The following FGF14 variants were observed in gnomAD, a reference collection of about 807,000 sequenced individuals.
FGF14 encodes fibroblast growth factor homologous factor 4.
A neutral mutation model predicts 25.5 loss-of-function variants in FGF14; 5 were observed. The observed-to-expected ratio is 0.20, with a 90% CI of 0.10 to 0.41. The LOEUF (loss-of-function observed/expected upper bound fraction) is 0.41. FGF14 is among the 10% of genes least tolerant of loss of function. The probability of loss-of-function intolerance (pLI) is 1.00; values close to 1 mark genes in which losing one functional copy is unlikely to be tolerated. For missense variants in FGF14, 222 were observed against 320.1 expected, an observed-to-expected ratio of 0.69 and a Z score of 2.34; for synonymous variants, 138 against 118.3, an observed-to-expected ratio of 1.17 and a Z score of -1.08.
Position 101,722,440 on chromosome 13 carries a change from T to A in FGF14, c.*391A>T, listed in dbSNP as rs2035056851. Reference sequence around the variant, plus strand: ...AAATTACTCAATATTATTTGTGTGCTACAAAATTGAACTTAAACACATAGA... The same window carrying A: ...AAATTACTCAATATTATTTGTGTGCAACAAAATTGAACTTAAACACATAGA... On this transcript the variant is annotated 3_prime_UTR_variant, in exon 5 of 5. Coordinates refer to ENST00000376143, the MANE Select transcript of FGF14 (RefSeq NM_004115.4). 6.3e-6 allele frequency: 2 copies of A among 317,022 alleles called. No homozygotes were observed. The highest frequency in any genetic ancestry group is 2.2e-5 in the African/African-American group (1 of 46,342). 19.6% of individuals were successfully genotyped at this position (317,022 alleles called of 1,614,324 possible).
intron 3 of FGF14, among the ~76,000 whole-genome samples, chr13:101,866,250 T>C (rs2044699977): frequency 6.6e-6 from 1 of 152,064 alleles, no homozygotes; most frequent in Admixed American, 6.6e-5. Context: ...TCCCTAAAAG[T>C]TTTTCATTAC....
intron 1 of FGF14, among the ~76,000 whole-genome samples, chr13:102,337,598 A>G (rs1194226099): frequency 6.6e-6 from 1 of 152,184 alleles, no homozygotes; most frequent in Non-Finnish European, 1.5e-5. Context: ...CAAATTCTGA[A>G]AGTTCTATGG....
At chr13:102,180,931 A>C (rs1353417293) in intron 1 of FGF14, among the ~76,000 whole-genome samples, 1 of 152,126 alleles carries the variant, frequency 6.6e-6, no homozygotes, top group Non-Finnish European at 1.5e-5. Flanking sequence ...AACTGGGATT[A>C]ATTTCTAATA....
chr13:102,390,226 G>C (rs1389011850), intron 1 of FGF14, among the ~76,000 whole-genome samples: 1 of 152,148 alleles, frequency 6.6e-6, no homozygotes, highest in Non-Finnish European at 1.5e-5. Context: ...AAAATTTTGG[G>C]GGCGGGTGAT....
At chr13:102,191,972 C>T (rs1407953043) in intron 1 of FGF14, among the ~76,000 whole-genome samples, 5 of 152,210 alleles carry the variant, frequency 3.3e-5, no homozygotes, top group Non-Finnish European at 7.3e-5. Flanking sequence ...TCCATTAGCT[C>T]TTAAGTCTCA....
intron 1 of FGF14, among the ~76,000 whole-genome samples, chr13:102,269,633 C>T (rs1369912531): frequency 1.3e-5 from 2 of 152,080 alleles, no homozygotes; most frequent in Non-Finnish European, 2.9e-5. Flanking sequence ...CAGTGATCTT[C>T]CTGTCTCCGC....
intron 1 of FGF14, among the ~76,000 whole-genome samples, chr13:102,351,881 A>G (rs1027094605): frequency 6.6e-6 from 1 of 152,186 alleles, no homozygotes; most frequent in Non-Finnish European, 1.5e-5. Context: ...TCTATTCGTT[A>G]GAAGTAAGTC....
chr13:102,174,061 A>G (rs1269470250), intron 1 of FGF14, among the ~76,000 whole-genome samples: 1 of 152,152 alleles, frequency 6.6e-6, no homozygotes, highest in Non-Finnish European at 1.5e-5. Flanking sequence ...TTCCTCCAAA[A>G]GACTCCTAAA....
At chr13:102,134,877 G>A (rs1182708787) in intron 1 of FGF14, among the ~76,000 whole-genome samples, 1 of 152,040 alleles carries the variant, frequency 6.6e-6, no homozygotes, top group Admixed American at 6.6e-5. Flanking sequence ...GTAGCCTCGG[G>A]CCAAATTTCT....
At chr13:102,230,413 T>A (rs1235420511) in intron 1 of FGF14, among the ~76,000 whole-genome samples, 2 of 152,198 alleles carry the variant, frequency 1.3e-5, no homozygotes, top group African/African-American at 4.8e-5. Context: ...TAGAAAGGTA[T>A]AAACAAACAC....
At chr13:102,001,410 G>C (rs2039488226) in intron 1 of FGF14, among the ~76,000 whole-genome samples, 1 of 152,072 alleles carries the variant, frequency 6.6e-6, no homozygotes, top group African/African-American at 2.4e-5. Flanking sequence ...GGCTCAAAGA[G>C]ACTTTTGGAT....
At chr13:102,278,700 A>G (rs1031344332) in intron 1 of FGF14, among the ~76,000 whole-genome samples, 1 of 151,896 alleles carries the variant, frequency 6.6e-6, no homozygotes, top group Non-Finnish European at 1.5e-5. Context: ...CAGTGTATGC[A>G]TTACTCTGAA....
chr13:102,136,280 T>C (rs1354532773), intron 1 of FGF14, among the ~76,000 whole-genome samples: 1 of 152,130 alleles, frequency 6.6e-6, no homozygotes, highest in Admixed American at 6.6e-5. Flanking sequence ...TTGGAACCCT[T>C]ACAGCAATCC....
chr13:102,063,739 T>C (rs1444880534), intron 1 of FGF14, among the ~76,000 whole-genome samples: 2 of 152,110 alleles, frequency 1.3e-5, no homozygotes, highest in Admixed American at 1.3e-4. Context: ...CAATAACATA[T>C]AAAACATGAA....
chr13:102,168,992 A>C (rs1342858939), intron 1 of FGF14, among the ~76,000 whole-genome samples: 1 of 151,964 alleles, frequency 6.6e-6, no homozygotes, highest in African/African-American at 2.4e-5. Context: ...TATATCCAGA[A>C]CAGGGAGACA....
intron 1 of FGF14, among the ~76,000 whole-genome samples, chr13:102,047,724 A>G (rs925745209): frequency 2.0e-5 from 3 of 152,142 alleles, no homozygotes; most frequent in African/African-American, 7.2e-5. Context: ...GATATACCTA[A>G]TGCTAAATGA....
intron 1 of FGF14, chr13:102,300,173 A>G (rs755847946): frequency 6.6e-6 from 1 of 152,282 alleles, no homozygotes; most frequent in Non-Finnish European, 1.5e-5. Flanking sequence ...CCTAAAATAT[A>G]CCAGAACTGA....
At chr13:101,982,666 C>T (rs1356405066) in intron 1 of FGF14, among the ~76,000 whole-genome samples, 1 of 152,120 alleles carries the variant, frequency 6.6e-6, no homozygotes, top group African/African-American at 2.4e-5. Context: ...GCTTAAGGAA[C>T]TGGGTTATAA....
chr13:102,132,600 C>G (rs753683272), intron 1 of FGF14, among the ~76,000 whole-genome samples: 1 of 151,406 alleles, frequency 6.6e-6, no homozygotes, highest in East Asian at 1.9e-4. Flanking sequence ...CTCCTGGGTT[C>G]AAGCAATTCT....
Sources: allele counts gnomAD v4.1 joint callset (sites outside exome capture counted in the v4.1 genomes callset), GRCh38; gene constraint gnomAD v4.1.1; transcripts MANE v1.5; gene names NCBI Gene and HGNC (gene_info 2026-07-23, HGNC 2026-07-21).